The following ITPK1 variants were observed in gnomAD, a reference collection of about 807,000 sequenced individuals.
The protein encoded by ITPK1 is inositol 1,3,4-trisphosphate 5/6-kinase.
Under a neutral mutation model 45.3 loss-of-function variants are expected in ITPK1, and 21 were observed. The observed-to-expected ratio is 0.46, with a 90% CI of 0.33 to 0.67. The LOEUF (loss-of-function observed/expected upper bound fraction) is 0.67. Ranked by LOEUF, ITPK1 falls within the 30% of genes least tolerant of loss-of-function variation. The probability of loss-of-function intolerance (pLI) is 0.02; values close to 1 mark genes in which losing one functional copy is unlikely to be tolerated. For missense variants in ITPK1, 474 were observed against 573.5 expected, an observed-to-expected ratio of 0.83 and a Z score of 1.77; for synonymous variants, 258 against 253.6, an observed-to-expected ratio of 1.02 and a Z score of -0.16.
intron 8 of ITPK1, 23 bp from the exon 9 acceptor site, chr14:92,952,036 C>T (rs1178551528): frequency 1.3e-6 from 2 of 1,554,220 alleles, no homozygotes; most frequent in Admixed American, 1.9e-5. Flanking sequence ...CAGGAAGGAG[C>T]CGGCGTTAGA....
chr14:92,949,684 A>G (rs1887866239), intron 9 of ITPK1, among the ~76,000 whole-genome samples: 1 of 152,278 alleles, frequency 6.6e-6, no homozygotes. Flanking sequence ...CTGACAGCAC[A>G]GGCCCAGCAG....
At chr14:93,042,222 A>C (rs1465382237) in intron 3 of ITPK1, among the ~76,000 whole-genome samples, 1 of 152,226 alleles carries the variant, frequency 6.6e-6, no homozygotes, top group Non-Finnish European at 1.5e-5. Context: ...CAGGTACAGC[A>C]AACTGGAAAC....
chr14:93,006,727 T>C (rs1376058688), intron 4 of ITPK1, among the ~76,000 whole-genome samples: 5 of 152,152 alleles, frequency 3.3e-5, no homozygotes, highest in Non-Finnish European at 7.4e-5. Flanking sequence ...GGAAGACCCA[T>C]GCAAAACAAT....
rs547812852 is a variant in ITPK1, at chr14:93,012,076, C to T, written c.246+4600G>A. Among the ~76,000 whole-genome samples the T allele has an allele frequency of 1.3e-5, 2 of 152,156 alleles. No homozygotes were observed. The highest frequency in any genetic ancestry group is 3.9e-4 in the East Asian group (2 of 5,170). On this transcript the variant is annotated intron_variant, in intron 4 of 10. Coordinates refer to ENST00000267615, the MANE Select transcript of ITPK1 (RefSeq NM_014216.6). This position sits in a 1 kb window ranked among gnomAD's most constrained non-coding sequence, Gnocchi z 4.9. The stretch of plus-strand genomic sequence containing the variant: ...CGCTCCAAGCAGCCCAGCAGAGCCA[C>T]GTCCTCCCTCCGCAAGGCCATCAGG...
At chr14:92,952,058 G>A (rs1444834975) in intron 8 of ITPK1, 45 bp from the exon 9 acceptor site, 2 of 1,474,052 alleles carry the variant, frequency 1.4e-6, no homozygotes, top group Non-Finnish European at 1.9e-6. Context: ...CCTCAATGCA[G>A]GGACCACACT....
intron 3 of ITPK1, among the ~76,000 whole-genome samples, chr14:93,038,858 T>C (rs969248667): frequency 6.6e-6 from 1 of 152,198 alleles, no homozygotes; most frequent in African/African-American, 2.4e-5. Context: ...AAACCATTCT[T>C]CTGAAGACAA....
At position 93,115,312 on chromosome 14, in the gene ITPK1, C is replaced by CGCGGA. The variant is rs1441610731; in HGVS notation, c.-142-12_-142-8dup. ...GGAGCTGGGGCGCGCAGTCCTGCCG[C>CGCGGA]GCGGAGCGGAGCGGGGCGGGGCGCG... On this transcript the variant is annotated splice_polypyrimidine_tract_variant and splice_region_variant and intron_variant, in intron 1 of 10. Coordinates refer to ENST00000267615, the MANE Select transcript of ITPK1 (RefSeq NM_014216.6). 324 of 380,742 alleles carry CGCGGA rather than the reference C, an allele frequency of 8.5e-4. 3 individuals are homozygous for CGCGGA. The highest frequency in any genetic ancestry group is 8.2e-3 in the East Asian group (176 of 21,434). The allele number at this position is 380,742 out of a possible 1,614,324, so 23.6% of individuals were successfully genotyped here. A position where few individuals can be genotyped will look rare whatever the true frequency, so the allele number is the denominator to read the frequency against.
rs532539960 is a variant in ITPK1, at chr14:93,025,006, T to C, written c.121-8205A>G. Among the ~76,000 whole-genome samples the C allele has an allele frequency of 2.0e-5, 3 of 152,026 alleles. No individual in the cohort carries two copies. In the South Asian group the frequency reaches 6.3e-4, roughly 32 times the overall value. On this transcript the variant is annotated intron_variant, in intron 3 of 10. Transcript: ENST00000267615. ...CAGGGAAGCACCCACAAGCACAGCG[T>C]CAACAACCCAGACTTGCCCCAGTTC...
chr14:93,012,626 C>A lies in ITPK1; in HGVS notation c.246+4050G>T, dbSNP rs1887970484. 6.6e-6 allele frequency among the ~76,000 whole-genome samples: 1 copy of A among 152,186 alleles called. No individual in the cohort carries two copies. Among genetic ancestry groups the A allele is most frequent in the African/African-American group, 2.4e-5 (1 of 41,450 alleles). Reference sequence around the variant, plus strand: ...GTGAGGTCAGTTCTGGGTCTGCCTGCTGGCCTCTCCTCCTGGCCAGGAGCT... The same window carrying A: ...GTGAGGTCAGTTCTGGGTCTGCCTGATGGCCTCTCCTCCTGGCCAGGAGCT... On this transcript the variant is annotated intron_variant, in intron 4 of 10. Transcript: ENST00000267615. The surrounding 1 kb of genome is among the most constrained non-coding windows in gnomAD (Gnocchi z 4.9).
chr14:93,061,264 AG>A (rs1487423282), intron 3 of ITPK1, among the ~76,000 whole-genome samples: 2 of 152,228 alleles, frequency 1.3e-5, no homozygotes, highest in Non-Finnish European at 2.9e-5. Context: ...TCTTAACCTT[AG>A]AGGTTGGTGT....
At position 92,939,073 on chromosome 14, in the gene ITPK1, C is replaced by T. The variant is rs146378637; in HGVS notation, c.*2488G>A. The T allele has an allele frequency of 8.2e-3, 1,281 of 155,764 alleles. 17 individuals carry two copies. The highest frequency in any genetic ancestry group is 0.014 in the Non-Finnish European group (987 of 70,300). 9.6% of individuals were successfully genotyped at this position (155,764 alleles called of 1,614,324 possible). A position where few individuals can be genotyped will look rare whatever the true frequency, so the allele number is the denominator to read the frequency against. On this transcript the variant is annotated 3_prime_UTR_variant, in exon 11 of 11. Transcript: ENST00000267615. ...TAGGAACCAGAGCCCCAAGCCACCC[C>T]GATGCTGGCGGGGCCAACTCCAGGC...
intron 8 of ITPK1, among the ~76,000 whole-genome samples, chr14:92,954,741 CCT>C (rs755204562): frequency 2.7e-5 from 4 of 148,716 alleles, no homozygotes; most frequent in Non-Finnish European, 6.0e-5. Flanking sequence ...TCCTTCATCT[CCT>C]CTCTCTCTCT....
intron 3 of ITPK1, among the ~76,000 whole-genome samples, chr14:93,056,797 T>C (rs760080892): frequency 1.9e-4 from 29 of 152,304 alleles, no homozygotes; most frequent in Admixed American, 1.4e-3. Context: ...CAAATAAAGA[T>C]GTACTATAGC....
intron 3 of ITPK1, among the ~76,000 whole-genome samples, chr14:93,026,606 C>T (rs1223083024): frequency 3.3e-5 from 5 of 152,224 alleles, no homozygotes. Context: ...GTCCAGGAGT[C>T]TCACTTCCAG....
chr14:93,065,569 G>A (rs1228192193), intron 3 of ITPK1, among the ~76,000 whole-genome samples: 7 of 152,206 alleles, frequency 4.6e-5, no homozygotes, highest in African/African-American at 1.7e-4. Context: ...AACCTGTCCA[G>A]TTCTAAGTCC....
chr14:92,941,038 G>C lies in ITPK1; in HGVS notation c.*523C>G. The C allele has an allele frequency of 8.1e-7, 1 of 1,232,782 alleles. No homozygotes were observed. 76.4% of individuals were successfully genotyped at this position (1,232,782 alleles called of 1,614,324 possible). A position where few individuals can be genotyped will look rare whatever the true frequency, so the allele number is the denominator to read the frequency against. On this transcript the variant is annotated 3_prime_UTR_variant, in exon 11 of 11. Transcript: ENST00000267615. The stretch of plus-strand genomic sequence containing the variant: ...GGTTAGCTGCACACCAGGCAGGGTG[G>C]GGGCTAACAAAGCCTTGGTGGAGAC...
chr14:92,978,082 A>G (rs1326254508), intron 5 of ITPK1, among the ~76,000 whole-genome samples: 1 of 152,002 alleles, frequency 6.6e-6, no homozygotes, highest in East Asian at 1.9e-4. Flanking sequence ...CAGGCTGAGT[A>G]GGTCTCAGAT....
chr14:92,953,980 G>A (rs370369342), intron 8 of ITPK1, among the ~76,000 whole-genome samples: 73 of 152,198 alleles, frequency 4.8e-4, no homozygotes, highest in Non-Finnish European at 9.6e-4. Context: ...TGCAACCTCC[G>A]CCTCCTATGT....
intron 2 of ITPK1, among the ~76,000 whole-genome samples, chr14:93,090,267 G>T (rs1199119284): frequency 6.6e-6 from 1 of 152,074 alleles, no homozygotes; most frequent in East Asian, 1.9e-4. Context: ...ACCTGCCCAT[G>T]CTGTCCGCCC....
Sources: allele counts gnomAD v4.1 joint callset (sites outside exome capture counted in the v4.1 genomes callset), GRCh38; gene constraint gnomAD v4.1.1; non-coding constraint Gnocchi (gnomAD v3.1); transcripts MANE v1.5; gene names NCBI Gene and HGNC (gene_info 2026-07-23, HGNC 2026-07-21).